The following UBFD1 variants were observed in gnomAD, a reference collection of about 807,000 sequenced individuals.
UBFD1 encodes ubiquitin family domain containing 1, also known as ubiquitin domain-containing protein UBFD1.
A neutral mutation model predicts 35.1 loss-of-function variants in UBFD1; 12 were observed. The observed-to-expected ratio is 0.34, with a 90% CI of 0.22 to 0.55. The LOEUF (loss-of-function observed/expected upper bound fraction) is 0.55. Ranked by LOEUF, UBFD1 falls within the 20% of genes least tolerant of loss-of-function variation. The pLI, the probability that UBFD1 is intolerant of heterozygous loss-of-function variation, is 0.89. For missense variants in UBFD1, 337 were observed against 410.8 expected, an observed-to-expected ratio of 0.82 and a Z score of 1.55; for synonymous variants, 178 against 167.6, an observed-to-expected ratio of 1.06 and a Z score of -0.48.
chr16:23,558,464 G>A (rs559644621), intron 2 of UBFD1, among the ~76,000 whole-genome samples, 185 bp downstream of exon 2: 1 of 152,314 alleles, frequency 6.6e-6, no homozygotes, highest in African/African-American at 2.4e-5. Context: ...GAGCTAGTAA[G>A]TTGCAGAGCT....
chr16:23,570,675 G>A lies in UBFD1; in HGVS notation c.*85G>A, dbSNP rs1402611860. On this transcript the variant is annotated 3_prime_UTR_variant, in exon 7 of 7. Transcript: ENST00000395878. ...GCCTGCAGCATCCCTGGATTTCAGA[G>A]TTCTGGAACTTTGTTCATAAAAAAT... The A allele has an allele frequency of 6.2e-6, 7 of 1,125,702 alleles. No individual in the cohort carries two copies. Among genetic ancestry groups the A allele is most frequent in the Middle Eastern group, 4.8e-4 (2 of 4,144 alleles). 69.7% of individuals were successfully genotyped at this position (1,125,702 alleles called of 1,614,324 possible). A position where few individuals can be genotyped will look rare whatever the true frequency, so the allele number is the denominator to read the frequency against.
chr16:23,565,810 T>A (rs1303360426), intron 5 of UBFD1: 1 of 152,148 alleles, frequency 6.6e-6, no homozygotes, highest in African/African-American at 2.4e-5. Context: ...AGGCTGCAAG[T>A]TTTTTTCCAC....
intron 6 of UBFD1, among the ~76,000 whole-genome samples, chr16:23,567,526 T>C (rs552817035): frequency 6.3e-4 from 96 of 152,350 alleles, no homozygotes; most frequent in African/African-American, 2.2e-3. Flanking sequence ...GCCCAGTGGC[T>C]GAGGGCCTCG....
At chr16:23,560,505 A>G (rs368256499) in intron 3 of UBFD1, among the ~76,000 whole-genome samples, 1 of 152,216 alleles carries the variant, frequency 6.6e-6, no homozygotes, top group Non-Finnish European at 1.5e-5. Flanking sequence ...GACCATAGAC[A>G]CTAAGATATA....
At chr16:23,568,507 T>C (rs1386298275) in intron 6 of UBFD1, among the ~76,000 whole-genome samples, 1 of 151,612 alleles carries the variant, frequency 6.6e-6, no homozygotes, top group Non-Finnish European at 1.5e-5. Context: ...TGGTTTGGCC[T>C]GGTCAGTTAT....
In UBFD1 at chr16:23,570,735, C is replaced by T. The variant is rs1966072073; in HGVS notation, c.*145C>T. 1.2e-5 allele frequency: 7 copies of T among 595,606 alleles called. No homozygotes were observed. Among genetic ancestry groups the T allele is most frequent in the Non-Finnish European group, 2.0e-5 (7 of 348,744 alleles). 36.9% of individuals were successfully genotyped at this position (595,606 alleles called of 1,614,324 possible). A position where few individuals can be genotyped will look rare whatever the true frequency, so the allele number is the denominator to read the frequency against. On this transcript the variant is annotated 3_prime_UTR_variant, in exon 7 of 7. Transcript: ENST00000395878. The stretch of plus-strand genomic sequence containing the variant: ...ATCTGAGGTGATGTGGTGACTGAAG[C>T]CAGAGGTGATGTACTTTCACCATTA...
chr16:23,562,805 G>A (rs1049270016), intron 5 of UBFD1, 75 bp downstream of exon 5: 28 of 1,258,478 alleles, frequency 2.2e-5, no homozygotes, highest in South Asian at 1.7e-4. Flanking sequence ...TTTAGAGTGC[G>A]ATTTCACCCC....
chr16:23,561,389 T>C (rs1425568233), intron 3 of UBFD1, among the ~76,000 whole-genome samples: 2 of 152,222 alleles, frequency 1.3e-5, no homozygotes, highest in East Asian at 3.8e-4. Context: ...GCAGTGGCTA[T>C]GCCTATAAGG....
intron 3 of UBFD1, 47 bp from the exon 4 acceptor site, chr16:23,562,159 C>G (rs369313677): frequency 6.5e-7 from 1 of 1,543,710 alleles, no homozygotes. Context: ...AGTAACACGA[C>G]GAAATGTAGT....
intron 2 of UBFD1, among the ~76,000 whole-genome samples, chr16:23,558,774 C>CTTTTTCCTATTTTTTT (rs1231123065): frequency 6.2e-5 from 9 of 146,072 alleles, no homozygotes; most frequent in Non-Finnish European, 1.3e-4. Flanking sequence ...GATTTCTTTT[C>CTTTTTCCTATTTTTTT]TTTTTCCTAT....
At position 23,574,104 on chromosome 16, in the gene UBFD1, T is replaced by G. The variant is rs1480181562; in HGVS notation, c.*3514T>G. On this transcript the variant is annotated 3_prime_UTR_variant, in exon 7 of 7. Transcript: ENST00000395878. ...ATGCAGAACATCTGGTAGATTGATC[T>G]GCCAGGCTGGGTGGTTCTACTGCTT... 2.6e-5 allele frequency: 4 copies of G among 152,650 alleles called. No individual in the cohort carries two copies. The highest frequency in any genetic ancestry group is 4.8e-5 in the African/African-American group (2 of 41,470). The allele number at this position is 152,650 out of a possible 1,614,324, so 9.5% of individuals were successfully genotyped here.
At position 23,570,460 on chromosome 16, in the gene UBFD1, T is replaced by A; in HGVS notation, c.820-20T>A. On this transcript the variant is annotated intron_variant, in intron 6 of 6. Transcript: ENST00000395878. Reference sequence around the variant, plus strand: ...TCCCGACCTCTGAAGTACCGCTTGGTTTTCCTTTTTCCCTTCCAGGCGTTT... The same window carrying A: ...TCCCGACCTCTGAAGTACCGCTTGGATTTCCTTTTTCCCTTCCAGGCGTTT... 6.2e-7 allele frequency: 1 copy of A among 1,605,006 alleles called. No homozygotes were observed. Among genetic ancestry groups the A allele is most frequent in the Non-Finnish European group, 8.5e-7 (1 of 1,172,028 alleles).
intron 3 of UBFD1, chr16:23,561,962 T>C (rs1235206741): frequency 1.0e-5 from 4 of 399,720 alleles, no homozygotes; most frequent in Non-Finnish European, 1.8e-5. Context: ...TCATAGTAGC[T>C]GCATTTCAAG....
chr16:23,570,757 A>G lies in UBFD1; in HGVS notation c.*167A>G, dbSNP rs1158314002. 1.5e-5 allele frequency: 8 copies of G among 519,206 alleles called. No individual in the cohort carries two copies. The East Asian group carries it at 2.3e-4, about 15-fold the overall frequency. 32.2% of individuals were successfully genotyped at this position (519,206 alleles called of 1,614,324 possible). ...AAGCCAGAGGTGATGTACTTTCACC[A>G]TTAGCTTAATTTTAACTTAAAATTA... is the stretch of plus-strand genomic sequence containing the variant. On this transcript the variant is annotated 3_prime_UTR_variant, in exon 7 of 7. Transcript: ENST00000395878.
rs747629160 is a variant in UBFD1 at position 23,567,006 on chromosome 16, C to A, written c.756C>A (p.Pro252=). ...IGTKERTEKL[P]MGSIKNVVSE... is the part of the protein sequence containing the mutation. ...ACTTAGAGCGGACTGAGAAATTGCC[C>A]ATGGGCTCCATAAAAAATGTGGTCA... Residue 252 remains proline (P), a synonymous_variant, in exon 6 of 7, where the codon CCC becomes CCA. Transcript: ENST00000395878. 1 of 1,614,144 alleles carries A rather than the reference C, an allele frequency of 6.2e-7. No homozygotes were observed. The highest frequency in any genetic ancestry group is 1.1e-5 in the South Asian group (1 of 91,078).
At chr16:23,561,163 T>A (rs1296027761) in intron 3 of UBFD1, among the ~76,000 whole-genome samples, 1 of 152,230 alleles carries the variant, frequency 6.6e-6, no homozygotes, top group Non-Finnish European at 1.5e-5. Context: ...ATGAGAGGGA[T>A]ATAGTCCCTT....
Position 23,558,143 on chromosome 16 carries a change from C to G in UBFD1, c.219C>G (p.Asn73Lys). 6.2e-7 allele frequency: 1 copy of G among 1,604,278 alleles called. No homozygotes were observed. The highest frequency in any genetic ancestry group is 8.5e-7 in the Non-Finnish European group (1 of 1,176,272). ...GDPAAQASVS[N>K]GEDAGGGAGR... ...CCGCAGCCCAGGCCTCGGTCAGCAA[C>G]GGCGAAGACGCGGGCGGCGGCGCGG... The change falls in exon 2 of 7, where the codon AAC becomes AAG. Residue 73 changes from asparagine to lysine, a missense_variant. Physicochemically the swap from Asn to Lys is moderately conservative, Grantham distance 94 (BLOSUM62 0). Transcript: ENST00000395878.
At chr16:23,562,782 G>T (rs2234432) in intron 5 of UBFD1, 52 bp downstream of exon 5, 2 of 1,489,584 alleles carry the variant, frequency 1.3e-6, no homozygotes, top group Non-Finnish European at 1.9e-6. Flanking sequence ...CTGGCACCCA[G>T]CAGCACTCAC....
chr16:23,559,694 T>C lies in UBFD1; in HGVS notation c.564+18T>C. ...GGCAGAAAGTGAGTCCATCTTGTGC[T>C]TCTTGGTCTTGAGAAATTTGAGGCT... On this transcript the variant is annotated intron_variant, in intron 3 of 6. Transcript: ENST00000395878. 1 of 1,614,008 alleles carries C rather than the reference T, an allele frequency of 6.2e-7. No homozygotes were observed. The highest frequency in any genetic ancestry group is 1.1e-5 in the South Asian group (1 of 91,076).
Sources: gnomAD v4.1 joint callset for allele counts (sites outside exome capture counted in the v4.1 genomes callset) on GRCh38, gnomAD v4.1.1 for gene constraint, MANE v1.5 for transcripts, NCBI Gene and HGNC (gene_info 2026-07-23, HGNC 2026-07-21) for gene names.